SULF1: variants seen among roughly 807,000 people sequenced by gnomAD.
SULF1 encodes the protein extracellular sulfatase Sulf-1.
SULF1 carries 46 observed loss-of-function variants against 110.5 expected under a neutral mutation model. That is an observed-to-expected ratio of 0.42 (90% confidence interval 0.33 to 0.53). The LOEUF is 0.53. Ranked by LOEUF, SULF1 falls within the 20% of genes least tolerant of loss-of-function variation. The probability of loss-of-function intolerance (pLI) is 0.12; values close to 1 mark genes in which losing one functional copy is unlikely to be tolerated. For synonymous variants in SULF1, 371 were observed against 387.1 expected (o/e 0.96, Z 0.49); for missense variants, 941 against 1,094.2 (o/e 0.86, Z 1.98).
chr8:69,539,482 C>T (rs1263716825), intron 3 of SULF1, among the ~76,000 whole-genome samples: 1 of 152,164 alleles, frequency 6.6e-6, no homozygotes, highest in Non-Finnish European at 1.5e-5. Context: ...TGACTGCAAA[C>T]ACCAAGGGAT....
chr8:69,627,674 CTGT>C, intron 16 of SULF1, 95 bp from the exon 17 acceptor site: 3 of 791,770 alleles, frequency 3.8e-6, no homozygotes, highest in Non-Finnish European at 6.4e-6. Context: ...AGATGAATAG[CTGT>C]TATTACAGAA....
chr8:69,574,412 C>T (rs1805455172), intron 5 of SULF1, among the ~76,000 whole-genome samples: 1 of 152,304 alleles, frequency 6.6e-6, no homozygotes, highest in Non-Finnish European at 1.5e-5. Context: ...TTCACCCATC[C>T]GACATTTACT....
intron 3 of SULF1, among the ~76,000 whole-genome samples, chr8:69,536,995 T>C (rs1344182776): frequency 3.3e-5 from 5 of 152,228 alleles, no homozygotes; most frequent in Admixed American, 1.3e-4. Context: ...CTCTGTACTA[T>C]GATGACTTCA....
chr8:69,548,614 A>ATTT (rs3059933), intron 3 of SULF1, among the ~76,000 whole-genome samples: 3,061 of 120,822 alleles, frequency 0.025, 165 homozygotes, highest in African/African-American at 0.088. Flanking sequence ...TGCCTCGCTG[A>ATTT]TTTTTTTTTT....
chr8:69,632,640 T>C lies in SULF1; in HGVS notation c.2284+2961T>C, dbSNP rs369406658. On this transcript the variant is annotated intron_variant, in intron 19 of 22. Transcript: ENST00000402687. ...ATGCAATGGTCTCTAAACATTTTTT[T>C]ATTATGTACCCATATCAATTTTTAA... Among the ~76,000 whole-genome samples, 21 of 152,346 alleles carry C rather than the reference T, an allele frequency of 1.4e-4. No individual in the cohort carries two copies. In the South Asian group the frequency reaches 3.9e-3, roughly 29 times the overall value.
chr8:69,598,483 T>A (rs1307253325), intron 8 of SULF1, among the ~76,000 whole-genome samples: 1 of 152,092 alleles, frequency 6.6e-6, no homozygotes, highest in Non-Finnish European at 1.5e-5. Context: ...CCTCCACCTC[T>A]CTGGTTCAAA....
At chr8:69,542,803 G>A (rs1052206892) in intron 3 of SULF1, among the ~76,000 whole-genome samples, 5 of 152,184 alleles carry the variant, frequency 3.3e-5, no homozygotes, top group Non-Finnish European at 5.9e-5. Context: ...AAATGACGGA[G>A]CAGGAGTGAA....
intron 1 of SULF1, among the ~76,000 whole-genome samples, chr8:69,470,159 G>A (rs539518415): frequency 1.4e-4 from 22 of 152,226 alleles, no homozygotes; most frequent in African/African-American, 3.9e-4. Flanking sequence ...CAGGACATCC[G>A]GTTTTTTTTC....
intron 15 of SULF1, 30 bp from the exon 16 acceptor site, chr8:69,627,180 T>G: frequency 6.6e-7 from 1 of 1,520,174 alleles, no homozygotes; most frequent in Non-Finnish European, 9.1e-7. Flanking sequence ...AATATAAACC[T>G]ATTTCACATG....
intron 5 of SULF1, among the ~76,000 whole-genome samples, chr8:69,574,949 T>A (rs933631597): frequency 6.6e-6 from 1 of 152,220 alleles, no homozygotes; most frequent in African/African-American, 2.4e-5. Flanking sequence ...CTGCCCTGAA[T>A]GCTTGCCTGG....
chr8:69,547,454 T>C, intron 3 of SULF1, among the ~76,000 whole-genome samples: 1 of 152,200 alleles, frequency 6.6e-6, no homozygotes, highest in East Asian at 1.9e-4. Context: ...AAATATGTGT[T>C]AGAGGAAAAT....
At chr8:69,658,350 A>G (rs905418529) in intron 22 of SULF1, among the ~76,000 whole-genome samples, 155 bp from the exon 23 acceptor site, 1 of 152,186 alleles carries the variant, frequency 6.6e-6, no homozygotes, top group Non-Finnish European at 1.5e-5. Context: ...CCTGTAACCT[A>G]AGGCCACTCT....
At chr8:69,611,596 G>A (rs1808662156) in intron 13 of SULF1, among the ~76,000 whole-genome samples, 1 of 152,164 alleles carries the variant, frequency 6.6e-6, no homozygotes, top group Non-Finnish European at 1.5e-5. Flanking sequence ...ATTCCCCAGT[G>A]TTAAGATAAA....
At chr8:69,502,388 T>G (rs1038959551) in intron 3 of SULF1, among the ~76,000 whole-genome samples, 1 of 152,198 alleles carries the variant, frequency 6.6e-6, no homozygotes, top group South Asian at 2.1e-4. Context: ...ACAGCTCGTC[T>G]TCACAGTTTC....
At chr8:69,473,368 C>T (rs2150532232) in intron 1 of SULF1, 1 of 152,252 alleles carries the variant, frequency 6.6e-6, no homozygotes, top group East Asian at 1.9e-4. Context: ...AATGAACAGA[C>T]AGATTGTGTT....
rs552453130 is a variant in SULF1 at position 69,473,056 on chromosome 8, T to C, written c.-391+6106T>C. On this transcript the variant is annotated intron_variant, in intron 1 of 22. Coordinates refer to the SULF1 transcript ENST00000260128. Reference sequence around the variant, plus strand: ...GGTCTCACTATGGTACCCAGGCTGGTCTCAAACTCTTAGCCTCAAGTGGTC... The same window carrying C: ...GGTCTCACTATGGTACCCAGGCTGGCCTCAAACTCTTAGCCTCAAGTGGTC... Among the ~76,000 whole-genome samples, 6 of 152,120 alleles carry C rather than the reference T, an allele frequency of 3.9e-5. No homozygotes were observed. In the East Asian group the frequency reaches 1.2e-3, roughly 29 times the overall value.
intron 19 of SULF1, chr8:69,637,618 C>A (rs1334401473): frequency 6.5e-6 from 1 of 154,934 alleles, no homozygotes; most frequent in Non-Finnish European, 1.4e-5. Flanking sequence ...ATGCAAAAAC[C>A]GTAATTACGT....
At chr8:69,588,065 A>G (rs1188233827) in intron 7 of SULF1, among the ~76,000 whole-genome samples, 1 of 152,192 alleles carries the variant, frequency 6.6e-6, no homozygotes, top group Non-Finnish European at 1.5e-5. Context: ...AGCCTTCAAC[A>G]TTTGCAAATA....
chr8:69,626,071 T>C (rs1171081833), intron 15 of SULF1: 1 of 152,114 alleles, frequency 6.6e-6, no homozygotes, highest in African/African-American at 2.4e-5. Context: ...GGGTGCTGAT[T>C]GGTGTGTTTA....
Sources: gnomAD v4.1 joint callset for allele counts (sites outside exome capture counted in the v4.1 genomes callset) on GRCh38, gnomAD v4.1.1 for gene constraint, MANE v1.5 for transcripts, NCBI Gene and HGNC (gene_info 2026-07-23, HGNC 2026-07-21) for gene names.